Variants in IMPG2 observed in about 807,000 individuals in gnomAD.
IMPG2 encodes the protein interphotoreceptor matrix proteoglycan 2.
A neutral mutation model predicts 129.2 loss-of-function variants in IMPG2; 91 were observed. The ratio of observed to expected loss-of-function variants is 0.70; its 90% CI spans 0.59 to 0.84. The LOEUF (loss-of-function observed/expected upper bound fraction) is 0.84. IMPG2 is among the 40% of genes least tolerant of loss of function. IMPG2 has a pLI of 0.00. For missense variants in IMPG2, 1,430 were observed against 1,461.7 expected (o/e 0.98, Z 0.35); for synonymous variants, 510 against 517.7 (o/e 0.99, Z 0.20).
intron 4 of IMPG2, among the ~76,000 whole-genome samples, chr3:101,286,569 T>C (rs1706947770): frequency 6.6e-6 from 1 of 152,220 alleles, no homozygotes; most frequent in Admixed American, 6.6e-5. Context: ...TGCATATCAG[T>C]ACTTTGAATG....
intron 3 of IMPG2, among the ~76,000 whole-genome samples, chr3:101,302,255 C>T (rs770754899): frequency 6.6e-6 from 1 of 152,206 alleles, no homozygotes; most frequent in Non-Finnish European, 1.5e-5. Context: ...GTAAGAGATA[C>T]ATTCCAAGGT....
At chr3:101,236,491 C>A (rs1010170553) in intron 14 of IMPG2, among the ~76,000 whole-genome samples, 5 of 152,078 alleles carry the variant, frequency 3.3e-5, no homozygotes, top group Non-Finnish European at 2.9e-5. Flanking sequence ...GCATTTCCAA[C>A]TGAGGTACCT....
At chr3:101,302,049 A>G (rs1028964677) in intron 3 of IMPG2, among the ~76,000 whole-genome samples, 5 of 152,156 alleles carry the variant, frequency 3.3e-5, no homozygotes, top group African/African-American at 1.2e-4. Context: ...GTCATTCCCT[A>G]CAAACACTTG....
intron 7 of IMPG2, among the ~76,000 whole-genome samples, chr3:101,270,673 G>C (rs886370946): frequency 2.0e-5 from 3 of 151,954 alleles, no homozygotes; most frequent in South Asian, 2.1e-4. Flanking sequence ...GGTGGTGGGC[G>C]CCTGTAGTCC....
At chr3:101,284,879 T>TA (rs980845142) in intron 4 of IMPG2, among the ~76,000 whole-genome samples, 12 of 151,910 alleles carry the variant, frequency 7.9e-5, no homozygotes, top group Middle Eastern at 3.4e-3. Context: ...AACAAAACTG[T>TA]AAAAAAAATA....
intron 4 of IMPG2, among the ~76,000 whole-genome samples, chr3:101,282,656 C>T (rs958714325): frequency 1.3e-5 from 2 of 152,084 alleles, no homozygotes; most frequent in African/African-American, 2.4e-5. Context: ...TCTCCTTTAC[C>T]TATACCCAAT....
chr3:101,301,487 ATCCCAGACCCCTATCCTTGGCT>A (rs956951466), intron 3 of IMPG2, among the ~76,000 whole-genome samples: 1 of 152,252 alleles, frequency 6.6e-6, no homozygotes, highest in African/African-American at 2.4e-5. Context: ...CAACATTGGC[ATCCCAGACCCCTATCCTTGGCT>A]TCATACCCAA....
In IMPG2 at chr3:101,296,900, TTTG is replaced by T. The variant is rs765211156; in HGVS notation, c.502-5393_502-5391del. On this transcript the variant is annotated intron_variant, in intron 3 of 18. Transcript: ENST00000193391. ...TTTACAGTATTCTCTGACGGCAGTTTTTGTTGTTGTTGTTGTTGTTGAGACAGA... is the reference window on the plus strand; with the variant it reads ...TTTACAGTATTCTCTGACGGCAGTTTTTGTTGTTGTTGTTGTTGAGACAGA... 5.9e-5 allele frequency among the ~76,000 whole-genome samples: 9 copies of T among 151,966 alleles called. No individual in the cohort carries two copies. The East Asian group carries it at 7.7e-4, about 13-fold the overall frequency.
At chr3:101,260,150 C>T (rs1706654475) in intron 9 of IMPG2, among the ~76,000 whole-genome samples, 1 of 152,094 alleles carries the variant, frequency 6.6e-6, no homozygotes, top group Non-Finnish European at 1.5e-5. Context: ...TTCCACCTGC[C>T]ATATAAGGAA....
At chr3:101,248,211 T>C (rs1160082488) in intron 11 of IMPG2, among the ~76,000 whole-genome samples, 2 of 152,142 alleles carry the variant, frequency 1.3e-5, no homozygotes, top group Non-Finnish European at 2.9e-5. Flanking sequence ...GATTGAATCA[T>C]GGGGGCAGGT....
intron 3 of IMPG2, 148 bp downstream of exon 3, chr3:101,303,998 C>T (rs1256536783): frequency 9.2e-6 from 7 of 759,566 alleles, no homozygotes; most frequent in Admixed American, 3.8e-5. Context: ...AAAGACTAGG[C>T]CACACCCTAG....
chr3:101,319,796 G>C lies in IMPG2; in HGVS notation c.122C>G (p.Pro41Arg), dbSNP rs1016423411. ...CAGGAGAAAAGAAACTGCACTCTTG[G>C]GTTCTTGGATCTCCTCTATAGATAA... is the stretch of plus-strand genomic sequence containing the variant. ...TYLSIEEIQE[P>R]KSAVSFLLPE... The change falls in exon 2 of 19, where the codon CCC (proline) becomes CGC (arginine). Residue 41 changes from proline (P) to arginine (R), a missense_variant. Pro to Arg is a moderately radical substitution (Grantham distance 103). Transcript: ENST00000193391. 9.3e-6 allele frequency: 15 copies of C among 1,612,930 alleles called. No individual in the cohort carries two copies. Among genetic ancestry groups the C allele is most frequent in the Non-Finnish European group, 1.2e-5 (14 of 1,179,626 alleles).
At position 101,224,242 on chromosome 3, in the gene IMPG2, A is replaced by C. The variant is rs1706197060; in HGVS notation, c.*2727T>G. ...GGTGAAAATGGAGCCCTATTTATCA[A>C]ATAAATTCCCCTTTATCCATAACCC... On this transcript the variant is annotated 3_prime_UTR_variant, in exon 19 of 19. Coordinates refer to ENST00000193391, the MANE Select transcript of IMPG2 (RefSeq NM_016247.4). The C allele has an allele frequency of 1.3e-5, 2 of 152,200 alleles. No individual in the cohort carries two copies. The highest frequency in any genetic ancestry group is 4.8e-5 in the African/African-American group (2 of 41,458). The allele number at this position is 152,200 out of a possible 1,614,324, so 9.4% of individuals were successfully genotyped here.
At chr3:101,270,063 T>C (rs1706764968) in intron 7 of IMPG2, among the ~76,000 whole-genome samples, 1 of 151,690 alleles carries the variant, frequency 6.6e-6, no homozygotes, top group Non-Finnish European at 1.5e-5. Flanking sequence ...CCTGAGCAGC[T>C]GGAATTAGGA....
chr3:101,291,437 C>G, intron 4 of IMPG2, 42 bp downstream of exon 4: 1 of 1,560,190 alleles, frequency 6.4e-7, no homozygotes, highest in South Asian at 1.1e-5. Context: ...TATGACACAT[C>G]TGTGTTGCCA....
intron 2 of IMPG2, among the ~76,000 whole-genome samples, chr3:101,309,503 T>C (rs911380776): frequency 6.6e-6 from 1 of 152,098 alleles, no homozygotes; most frequent in Non-Finnish European, 1.5e-5. Context: ...TTCCACAAAA[T>C]TCCACTTAAA....
intron 8 of IMPG2, 61 bp downstream of exon 8, chr3:101,269,454 A>T: frequency 2.2e-6 from 2 of 902,784 alleles, no homozygotes; most frequent in Non-Finnish European, 3.8e-6. Context: ...AATATAATGG[A>T]CATTCCATTC....
At position 101,244,170 on chromosome 3, in the gene IMPG2, G is replaced by A. The variant is rs374990792; in HGVS notation, c.2161C>T (p.Pro721Ser). Residue 721 changes from proline to serine, a missense_variant, in exon 13 of 19, where the codon CCT becomes TCT. By Grantham distance (74) the Pro-to-Ser change is moderately conservative. Coordinates refer to ENST00000193391, the MANE Select transcript of IMPG2 (RefSeq NM_016247.4). ...GVDDYSVTKA[P>S]LILTSVAISA... Reference sequence around the variant, plus strand: ...ATTGCTACAGATGTCAGTATAAGAGGTGCTTTGGTAACTGAGTAATCATCA... The same window carrying A: ...ATTGCTACAGATGTCAGTATAAGAGATGCTTTGGTAACTGAGTAATCATCA... 2.8e-5 allele frequency: 45 copies of A among 1,613,944 alleles called. No homozygotes were observed. The highest frequency in any genetic ancestry group is 3.6e-5 in the Non-Finnish European group (43 of 1,180,022).
intron 15 of IMPG2, among the ~76,000 whole-genome samples, chr3:101,232,216 G>C (rs1379203602): frequency 1.0e-5 from 1 of 97,112 alleles, no homozygotes; most frequent in African/African-American, 3.8e-5. Flanking sequence ...GTCTCAGTAG[G>C]ATTTTTATTT....
Sources: allele counts gnomAD v4.1 joint callset (sites outside exome capture counted in the v4.1 genomes callset), GRCh38; gene constraint gnomAD v4.1.1; transcripts MANE v1.5; gene names NCBI Gene and HGNC (gene_info 2026-07-23, HGNC 2026-07-21).